Variants in PKNOX2 observed in about 807,000 individuals in gnomAD.
The protein encoded by PKNOX2 is PBX/knotted 1 homeobox 2.
In PKNOX2, 14 loss-of-function variants were observed where a neutral mutation model predicts 53.1. The observed-to-expected ratio is 0.26, with a 90% confidence interval of 0.17 to 0.41. The LOEUF (loss-of-function observed/expected upper bound fraction) is 0.41, where lower values mean the gene tolerates loss of function less well. PKNOX2 is among the 10% of genes least tolerant of loss of function. The pLI is 1.00. For synonymous variants in PKNOX2, 257 were observed against 242.8 expected, an observed-to-expected ratio of 1.06 and a Z score of -0.54; for missense variants, 496 against 602.8, an observed-to-expected ratio of 0.82 and a Z score of 1.85.
At chr11:125,404,337 G>C (rs770611060) in intron 7 of PKNOX2, among the ~76,000 whole-genome samples, 45 of 150,344 alleles carry the variant, frequency 3.0e-4, no homozygotes, top group Middle Eastern at 3.5e-3. Flanking sequence ...GCCTGAGAAG[G>C]AATGTTCCTT....
chr11:125,233,541 T>C (rs1479819185), intron 1 of PKNOX2, among the ~76,000 whole-genome samples: 1 of 152,204 alleles, frequency 6.6e-6, no homozygotes, highest in East Asian at 1.9e-4. Context: ...TGCTAGGTTC[T>C]GGGGATATAA....
intron 2 of PKNOX2, among the ~76,000 whole-genome samples, chr11:125,286,887 T>C (rs1946939782): frequency 6.6e-6 from 1 of 152,184 alleles, no homozygotes; most frequent in South Asian, 2.1e-4. Context: ...ATGTTGTGAG[T>C]GCGCAGGCAG....
At chr11:125,248,115 C>T (rs1250264960) in intron 2 of PKNOX2, among the ~76,000 whole-genome samples, 1 of 152,176 alleles carries the variant, frequency 6.6e-6, no homozygotes, top group Non-Finnish European at 1.5e-5. Context: ...TGGCTCTTGG[C>T]AAGTGCTGAA....
intron 10 of PKNOX2, among the ~76,000 whole-genome samples, chr11:125,412,829 G>A (rs1273156275): frequency 6.6e-6 from 1 of 152,174 alleles, no homozygotes; most frequent in Non-Finnish European, 1.5e-5. Context: ...CTTCTTCAGG[G>A]AGGAGAAAAA....
At chr11:125,216,237 C>T (rs1352786701) in intron 1 of PKNOX2, among the ~76,000 whole-genome samples, 2 of 152,218 alleles carry the variant, frequency 1.3e-5, no homozygotes, top group African/African-American at 4.8e-5. Context: ...GACTGCAGAG[C>T]CATGAGTAGC....
At chr11:125,423,191 T>C (rs1956253539) in intron 10 of PKNOX2, among the ~76,000 whole-genome samples, 1 of 152,144 alleles carries the variant, frequency 6.6e-6, no homozygotes, top group Non-Finnish European at 1.5e-5. Context: ...ACTAAGTAAT[T>C]TGCCCAAGGT....
At chr11:125,204,247 G>A (rs112397327) in intron 1 of PKNOX2, among the ~76,000 whole-genome samples, 1 of 152,156 alleles carries the variant, frequency 6.6e-6, no homozygotes, top group African/African-American at 2.4e-5. Flanking sequence ...TGGTTTTGGA[G>A]TTAAGTCTCC....
intron 4 of PKNOX2, among the ~76,000 whole-genome samples, chr11:125,354,592 A>T (rs1387567364): frequency 6.6e-6 from 1 of 152,252 alleles, no homozygotes; most frequent in Non-Finnish European, 1.5e-5. Context: ...AATACCGAGC[A>T]TAATCTATTC....
intron 1 of PKNOX2, among the ~76,000 whole-genome samples, chr11:125,169,820 G>C (rs536336358): frequency 6.6e-6 from 1 of 152,320 alleles, no homozygotes; most frequent in African/African-American, 2.4e-5. Context: ...ATAGTAAAGG[G>C]GCTGAATTCC....
chr11:125,175,021 C>T (rs1955601836), intron 1 of PKNOX2, among the ~76,000 whole-genome samples: 5 of 152,200 alleles, frequency 3.3e-5, no homozygotes, highest in Admixed American at 3.3e-4. Context: ...AGGAACCTGA[C>T]TTAGTCTCCG....
intron 2 of PKNOX2, among the ~76,000 whole-genome samples, chr11:125,255,615 A>G (rs1370093030): frequency 1.3e-5 from 2 of 152,166 alleles, no homozygotes; most frequent in African/African-American, 4.8e-5. Flanking sequence ...ACAATCAACT[A>G]TAAATAAACA....
At position 125,397,965 on chromosome 11, in the gene PKNOX2, C is replaced by A. The variant is rs1039967417; in HGVS notation, c.491C>A (p.Thr164Asn). The A allele has an allele frequency of 1.2e-6, 2 of 1,614,152 alleles. No homozygotes were observed. Among genetic ancestry groups the A allele is most frequent in the South Asian group, 1.1e-5 (1 of 91,086 alleles). Residue 164 changes from threonine (T) to asparagine (N), a missense_variant, in exon 7 of 13, where the codon ACC becomes AAC. Transcript: ENST00000298282. ...LCKDFCNRYI[T>N]CLKTKMHSDN... ...AAGGACTTTTGTAACCGTTACATCA[C>A]CTGCCTCAAAACCAAGATGCACAGC...
At chr11:125,306,350 C>T (rs930442923) in intron 2 of PKNOX2, among the ~76,000 whole-genome samples, 7 of 152,196 alleles carry the variant, frequency 4.6e-5, no homozygotes, top group Non-Finnish European at 1.0e-4. Flanking sequence ...CCCCCACCCC[C>T]CAGGGAGCTC....
At chr11:125,388,830 C>T (rs191242479) in intron 6 of PKNOX2, among the ~76,000 whole-genome samples, 99 of 152,310 alleles carry the variant, frequency 6.5e-4, no homozygotes, top group Non-Finnish European at 1.1e-3. Context: ...ACCTCCCTCC[C>T]TCCATTAGCC....
intron 1 of PKNOX2, among the ~76,000 whole-genome samples, chr11:125,228,735 G>A (rs946639187): frequency 3.0e-4 from 45 of 152,206 alleles, no homozygotes; most frequent in African/African-American, 9.7e-4. Flanking sequence ...TTCTATTAGA[G>A]TTTCGGAGCC....
chr11:125,280,289 A>C (rs1946467954), intron 2 of PKNOX2, among the ~76,000 whole-genome samples: 1 of 152,100 alleles, frequency 6.6e-6, no homozygotes, highest in South Asian at 2.1e-4. Flanking sequence ...GTGAACCTGC[A>C]CCCAGACTCC....
At chr11:125,273,652 C>T (rs1945966416) in intron 2 of PKNOX2, among the ~76,000 whole-genome samples, 1 of 152,118 alleles carries the variant, frequency 6.6e-6, no homozygotes, top group Admixed American at 6.5e-5. Flanking sequence ...AGTTAGGAGG[C>T]CTGGGTTCCA....
intron 2 of PKNOX2, among the ~76,000 whole-genome samples, chr11:125,309,130 C>CTTT (rs1948637953): frequency 6.7e-6 from 1 of 148,434 alleles, no homozygotes; most frequent in Non-Finnish European, 1.5e-5. Flanking sequence ...ATTACCTCTT[C>CTTT]CTTTCTTTCT....
intron 2 of PKNOX2, among the ~76,000 whole-genome samples, chr11:125,300,579 G>A (rs1480194799): frequency 6.6e-6 from 1 of 152,124 alleles, no homozygotes; most frequent in Non-Finnish European, 1.5e-5. Context: ...GAGAAAAAGA[G>A]AGACAGAGAG....
Sources: allele counts gnomAD v4.1 joint callset (sites outside exome capture counted in the v4.1 genomes callset), GRCh38; gene constraint gnomAD v4.1.1; transcripts MANE v1.5; gene names NCBI Gene and HGNC (gene_info 2026-07-23, HGNC 2026-07-21).